Variants in PRKAR2B observed in about 807,000 individuals in gnomAD.
PRKAR2B encodes cAMP-dependent protein kinase type II-beta regulatory subunit.
In PRKAR2B, 14 loss-of-function variants were observed where a neutral mutation model predicts 49.9. That is an observed-to-expected ratio of 0.28 (90% CI 0.19 to 0.44). The LOEUF (loss-of-function observed/expected upper bound fraction) is 0.44. Ranked by LOEUF, PRKAR2B falls within the 20% of genes least tolerant of loss-of-function variation. The pLI is 1.00. For missense variants in PRKAR2B, 393 were observed against 537.9 expected (o/e 0.73, Z 2.67); for synonymous variants, 196 against 197.7 (o/e 0.99, Z 0.07).
chr7:107,045,268 C>G, intron 1 of PRKAR2B, 54 bp downstream of exon 1: 1 of 1,360,684 alleles, frequency 7.3e-7, no homozygotes, highest in South Asian at 1.5e-5. Flanking sequence ...TGCCCCCCAC[C>G]GCTCCCCGCT....
At chr7:107,156,285 A>G (rs1288668172) in intron 8 of PRKAR2B, among the ~76,000 whole-genome samples, 1 of 152,110 alleles carries the variant, frequency 6.6e-6, no homozygotes, top group Non-Finnish European at 1.5e-5. Context: ...AAAGGAAAAA[A>G]AAATTAGCTG....
chr7:107,122,834 G>T (rs1252581733), intron 3 of PRKAR2B, among the ~76,000 whole-genome samples: 2 of 152,172 alleles, frequency 1.3e-5, no homozygotes, highest in Non-Finnish European at 2.9e-5. Flanking sequence ...GGCTTACAAC[G>T]TGGAAGATCT....
intron 2 of PRKAR2B, among the ~76,000 whole-genome samples, chr7:107,101,903 T>C: frequency 6.7e-6 from 1 of 149,168 alleles, no homozygotes; most frequent in Non-Finnish European, 1.5e-5. Flanking sequence ...TTTTTTCCAG[T>C]TTTGTTTAGT....
chr7:107,074,119 A>T (rs1794342383), intron 2 of PRKAR2B, among the ~76,000 whole-genome samples: 1 of 152,032 alleles, frequency 6.6e-6, no homozygotes, highest in African/African-American at 2.4e-5. Flanking sequence ...AATCCATTTT[A>T]TTTTATTTGT....
rs3729879 is a variant in PRKAR2B at position 107,150,816 on chromosome 7, C to G, written c.742-106C>G. On this transcript the variant is annotated intron_variant, in intron 6 of 10. Transcript: ENST00000265717. Reference sequence around the variant, plus strand: ...GCATTAAAAGTATAATGATGTTAATCTTTTATTTCAGAATCTTCAATCATT... The same window carrying G: ...GCATTAAAAGTATAATGATGTTAATGTTTTATTTCAGAATCTTCAATCATT... The G allele has an allele frequency of 6.5e-3, 3,815 of 590,200 alleles. 33 individuals are homozygous for G. Among genetic ancestry groups the G allele is most frequent in the Non-Finnish European group, 6.2e-3 (2,081 of 337,470 alleles). 36.6% of individuals were successfully genotyped at this position (590,200 alleles called of 1,614,324 possible).
At chr7:107,068,320 A>G (rs11766415) in intron 1 of PRKAR2B, among the ~76,000 whole-genome samples, 50,471 of 151,862 alleles carry the variant, frequency 0.33, 10,310 homozygotes, top group South Asian at 0.48. Flanking sequence ...CCCAAGGCTG[A>G]GAGAAGTTTT....
At chr7:107,075,473 C>G (rs1049278579) in intron 2 of PRKAR2B, among the ~76,000 whole-genome samples, 14 of 151,910 alleles carry the variant, frequency 9.2e-5, no homozygotes, top group African/African-American at 3.4e-4. Context: ...GATCTTGGCT[C>G]ACTGCAGCCT....
chr7:107,091,669 G>C (rs1794735056), intron 2 of PRKAR2B: 1 of 152,192 alleles, frequency 6.6e-6, no homozygotes, highest in Admixed American at 6.6e-5. Flanking sequence ...CAAGTCAGCA[G>C]TAACTTCTAG....
chr7:107,157,428 G>A (rs1796113603), intron 10 of PRKAR2B, 104 bp downstream of exon 10: 1 of 1,385,338 alleles, frequency 7.2e-7, no homozygotes, highest in Admixed American at 2.8e-5. Flanking sequence ...AGGTTTTGTG[G>A]TCCCCACAAA....
At chr7:107,138,125 T>C (rs186917317) in intron 4 of PRKAR2B, among the ~76,000 whole-genome samples, 1 of 152,342 alleles carries the variant, frequency 6.6e-6, no homozygotes, top group African/African-American at 2.4e-5. Context: ...TTAATTTTTT[T>C]AACTCTTTTA....
At chr7:107,146,675 T>G (rs1795900370) in intron 6 of PRKAR2B, among the ~76,000 whole-genome samples, 1 of 152,218 alleles carries the variant, frequency 6.6e-6, no homozygotes, top group South Asian at 2.1e-4. Context: ...AGTCAGGAGC[T>G]TGGGACCTGG....
chr7:107,081,029 CTT>C (rs1419139125), intron 2 of PRKAR2B, among the ~76,000 whole-genome samples: 2 of 152,160 alleles, frequency 1.3e-5, no homozygotes, highest in Non-Finnish European at 2.9e-5. Flanking sequence ...GCAAAATAAA[CTT>C]TTATATATTA....
chr7:107,045,028 CAGG>C lies in PRKAR2B; in HGVS notation c.124_126del (p.Glu42del). 3 of 1,551,114 alleles carry C rather than the reference CAGG, an allele frequency of 1.9e-6. No individual in the cohort carries two copies. Among genetic ancestry groups the C allele is most frequent in the South Asian group, 1.2e-5 (1 of 84,516 alleles). Reference sequence around the variant, plus strand: ...GCTGCAGCACTTCACCCGCCTGCAGCAGGAGAACGAGCGCAAAGGCACCGCGCG... The same window carrying C: ...GCTGCAGCACTTCACCCGCCTGCAGCAGAACGAGCGCAAAGGCACCGCGCG... On this transcript the variant is annotated inframe_deletion, in exon 1 of 11. Transcript: ENST00000265717.
chr7:107,116,553 A>G (rs1015769792), intron 2 of PRKAR2B, among the ~76,000 whole-genome samples: 1 of 152,210 alleles, frequency 6.6e-6, no homozygotes, highest in Non-Finnish European at 1.5e-5. Context: ...ATACATACAC[A>G]TAGATGCTTT....
intron 3 of PRKAR2B, among the ~76,000 whole-genome samples, chr7:107,123,493 G>A (rs188859198): frequency 1.1e-4 from 17 of 152,322 alleles, no homozygotes; most frequent in Admixed American, 1.1e-3. Context: ...GCGTTCAAAG[G>A]CCAAGCTGTA....
chr7:107,052,309 T>C (rs1213738782), intron 1 of PRKAR2B, among the ~76,000 whole-genome samples: 1 of 152,052 alleles, frequency 6.6e-6, no homozygotes, highest in Non-Finnish European at 1.5e-5. Flanking sequence ...TCCCAGCTGC[T>C]TGGGAGGCTG....
rs57752789 is a variant in PRKAR2B, at chr7:107,050,333, C to CTTTTTTTTTT, written c.307+5139_307+5148dup. Reference sequence around the variant, plus strand: ...TTATTTTAGATAAGACAGTTACCAGCTTTTTTTTTTTTTTTTTTTTTTTTT... The same window carrying CTTTTTTTTTT: ...TTATTTTAGATAAGACAGTTACCAGCTTTTTTTTTTTTTTTTTTTTTTTTTTTTTTTTTTT... On this transcript the variant is annotated intron_variant, in intron 1 of 10. Coordinates refer to ENST00000265717, the MANE Select transcript of PRKAR2B (RefSeq NM_002736.3). Among the ~76,000 whole-genome samples, 53 of 68,598 alleles carry CTTTTTTTTTT rather than the reference C, an allele frequency of 7.7e-4. 10 individuals are homozygous for CTTTTTTTTTT. The highest frequency in any genetic ancestry group is 3.5e-3 in the African/African-American group (49 of 13,960). The allele number at this position is 68,598 out of a possible 152,430, so 45.0% of individuals were successfully genotyped here. A position where few individuals can be genotyped will look rare whatever the true frequency, so the allele number is the denominator to read the frequency against.
chr7:107,064,057 T>C (rs1191528754), intron 1 of PRKAR2B, among the ~76,000 whole-genome samples: 1 of 152,232 alleles, frequency 6.6e-6, no homozygotes, highest in African/African-American at 2.4e-5. Context: ...TCTACTTAAC[T>C]CTGAGCCCAC....
In PRKAR2B at chr7:107,092,277, CTG is replaced by C. The variant is rs34049788; in HGVS notation, c.343+21977_343+21978del. Among the ~76,000 whole-genome samples, 60 of 145,822 alleles carry C rather than the reference CTG, an allele frequency of 4.1e-4. No individual in the cohort carries two copies. The East Asian group carries it at 7.2e-3, about 18-fold the overall frequency. ...TGTGTGTGTGTGTGTGTGCGTGTGT[CTG>C]TGTGTGTGTGTGTGTCACAGAATGA... On this transcript the variant is annotated intron_variant, in intron 2 of 10. Transcript: ENST00000265717.
Sources: gnomAD v4.1 joint callset for allele counts (sites outside exome capture counted in the v4.1 genomes callset) on GRCh38, gnomAD v4.1.1 for gene constraint, MANE v1.5 for transcripts, NCBI Gene and HGNC (gene_info 2026-07-23, HGNC 2026-07-21) for gene names.